TRAPPC10: variants seen among roughly 807,000 people sequenced by gnomAD.
TRAPPC10 encodes the protein TRAPP 130 kDa subunit.
A neutral mutation model predicts 125.5 loss-of-function variants in TRAPPC10; 23 were observed. The ratio of observed to expected loss-of-function variants is 0.18; its 90% CI spans 0.13 to 0.26. TRAPPC10 has a LOEUF of 0.26. TRAPPC10 is among the 10% of genes least tolerant of loss of function. The probability of loss-of-function intolerance (pLI) is 1.00; values close to 1 mark genes in which losing one functional copy is unlikely to be tolerated. For missense variants in TRAPPC10, 1,123 were observed against 1,308.4 expected, an observed-to-expected ratio of 0.86 and a Z score of 2.19; for synonymous variants, 509 against 518.0, an observed-to-expected ratio of 0.98 and a Z score of 0.24.
intron 1 of TRAPPC10, among the ~76,000 whole-genome samples, chr21:44,014,338 C>T (rs1364565478): frequency 6.6e-6 from 1 of 151,688 alleles, no homozygotes; most frequent in Non-Finnish European, 1.5e-5. Context: ...ATTGGATTGT[C>T]ATCTTGGTGG....
At chr21:44,081,005 CT>C (rs71326026) in intron 13 of TRAPPC10, among the ~76,000 whole-genome samples, 35,582 of 102,888 alleles carry the variant, frequency 0.35, 7,311 homozygotes, top group African/African-American at 0.61. Flanking sequence ...TATTATTGTT[CT>C]TTTTTTTTTT....
At chr21:44,068,336 A>G (rs2036604205) in intron 7 of TRAPPC10, among the ~76,000 whole-genome samples, 1 of 152,078 alleles carries the variant, frequency 6.6e-6, no homozygotes, top group Non-Finnish European at 1.5e-5. Flanking sequence ...GGTGGAGAAG[A>G]TGGTGTTATT....
At chr21:44,072,350 G>A (rs1463216292) in intron 7 of TRAPPC10, among the ~76,000 whole-genome samples, 8 of 152,178 alleles carry the variant, frequency 5.3e-5, no homozygotes, top group Non-Finnish European at 1.0e-4. Context: ...GTCCTCTGCC[G>A]CGGCTCCGCT....
intron 1 of TRAPPC10, among the ~76,000 whole-genome samples, chr21:44,015,760 G>A (rs1265616892): frequency 1.3e-5 from 2 of 151,988 alleles, no homozygotes; most frequent in African/African-American, 2.4e-5. Flanking sequence ...GATTACAGGC[G>A]TACACCACCA....
At chr21:44,040,967 A>G (rs1319886826) in intron 3 of TRAPPC10, among the ~76,000 whole-genome samples, 2 of 152,056 alleles carry the variant, frequency 1.3e-5, no homozygotes, top group Non-Finnish European at 2.9e-5. Flanking sequence ...TATAAATCCC[A>G]CTTAGTCATA....
chr21:44,077,106 T>G (rs950186442), intron 10 of TRAPPC10, among the ~76,000 whole-genome samples: 5 of 152,170 alleles, frequency 3.3e-5, no homozygotes, highest in African/African-American at 1.2e-4. Context: ...CACACAAGTA[T>G]GAAAAATACC....
chr21:44,043,316 C>T lies in TRAPPC10; in HGVS notation c.285+5389C>T, dbSNP rs182013446. Among the ~76,000 whole-genome samples, 43 of 147,422 alleles carry T rather than the reference C, an allele frequency of 2.9e-4. No individual in the cohort carries two copies. The East Asian group carries it at 7.0e-3, about 24-fold the overall frequency. Reference sequence around the variant, plus strand: ...GCAACCTTTACCTCCCGGGTTCAAGCGATTCTTCTGTCCCAGTCTCCTGAG... The same window carrying T: ...GCAACCTTTACCTCCCGGGTTCAAGTGATTCTTCTGTCCCAGTCTCCTGAG... On this transcript the variant is annotated intron_variant, in intron 3 of 22. Coordinates refer to ENST00000291574, the MANE Select transcript of TRAPPC10 (RefSeq NM_003274.5).
At chr21:44,014,602 T>G (rs1037156743) in intron 1 of TRAPPC10, among the ~76,000 whole-genome samples, 3 of 151,202 alleles carry the variant, frequency 2.0e-5, no homozygotes, top group Admixed American at 6.6e-5. Flanking sequence ...TGTTTTTTTT[T>G]TTTTTCAGTA....
At chr21:44,057,212 C>T (rs530905744) in intron 5 of TRAPPC10, among the ~76,000 whole-genome samples, 2 of 151,890 alleles carry the variant, frequency 1.3e-5, no homozygotes, top group South Asian at 2.1e-4. Context: ...ACAGAGGTTC[C>T]GTTTGGGAAG....
chr21:44,031,498 A>G (rs1419546384), intron 1 of TRAPPC10, among the ~76,000 whole-genome samples: 1 of 152,222 alleles, frequency 6.6e-6, no homozygotes, highest in Non-Finnish European at 1.5e-5. Context: ...AGCTCTGTGC[A>G]CTGAACACGT....
At chr21:44,058,764 C>A (rs1569178196) in intron 5 of TRAPPC10, among the ~76,000 whole-genome samples, 2 of 152,174 alleles carry the variant, frequency 1.3e-5, no homozygotes, top group Non-Finnish European at 2.9e-5. Flanking sequence ...GCGAGAGGAA[C>A]CAGCCGTCTG....
chr21:44,044,934 G>C (rs1453522809), intron 3 of TRAPPC10, among the ~76,000 whole-genome samples: 2 of 151,944 alleles, frequency 1.3e-5, no homozygotes, highest in East Asian at 3.9e-4. Context: ...CTAAAGTGCT[G>C]GGATTACAGG....
intron 5 of TRAPPC10, among the ~76,000 whole-genome samples, chr21:44,058,213 G>A (rs2035755421): frequency 6.6e-6 from 1 of 152,200 alleles, no homozygotes; most frequent in Non-Finnish European, 1.5e-5. Context: ...CTGGGCTGGG[G>A]ACTTAGCCAG....
intron 1 of TRAPPC10, among the ~76,000 whole-genome samples, chr21:44,014,028 C>T (rs1422231719): frequency 6.6e-6 from 1 of 152,222 alleles, no homozygotes; most frequent in Non-Finnish European, 1.5e-5. Context: ...ACATTTTTCT[C>T]CTAAAGTGCT....
chr21:44,081,259 C>T (rs1569207927), intron 13 of TRAPPC10, among the ~76,000 whole-genome samples: 1 of 151,888 alleles, frequency 6.6e-6, no homozygotes, highest in Non-Finnish European at 1.5e-5. Context: ...TTTTTGGGCT[C>T]AATTGCTCCT....
In TRAPPC10 at chr21:44,087,960, T is replaced by A. The variant is rs571507624; in HGVS notation, c.2769+32T>A. On this transcript the variant is annotated intron_variant, in intron 17 of 22. Coordinates refer to ENST00000291574, the MANE Select transcript of TRAPPC10 (RefSeq NM_003274.5). The surrounding 1 kb of genome is among the most constrained non-coding windows in gnomAD (Gnocchi z 4.6). ...AGGGACAGTGGAGGAGCTTAGCTTG[T>A]GGGGCGTCCGCCGCCCGCCTGCCTG... The A allele has an allele frequency of 1.9e-6, 3 of 1,563,930 alleles. No homozygotes were observed. In the African/African-American group the frequency reaches 4.1e-5, roughly 21 times the overall value.
rs2038184447 is a variant in TRAPPC10, at chr21:44,087,042, C to CT, written c.2539+83dup. ...GGGTGTGAGGGTGAGCCTGGCCTTG[C>CT]TGCCATCCTGCTGAGCGCCCCTCAA... On this transcript the variant is annotated intron_variant, in intron 16 of 22. Transcript: ENST00000291574. This position sits in a 1 kb window ranked among gnomAD's most constrained non-coding sequence, Gnocchi z 4.6. 3.6e-5 allele frequency: 55 copies of CT among 1,511,216 alleles called. No individual in the cohort carries two copies. The South Asian group carries it at 6.2e-4, about 17-fold the overall frequency. 93.6% of individuals were successfully genotyped at this position (1,511,216 alleles called of 1,614,324 possible).
At chr21:44,032,864 G>A (rs1164800847) in intron 2 of TRAPPC10, among the ~76,000 whole-genome samples, 1 of 152,210 alleles carries the variant, frequency 6.6e-6, no homozygotes, top group African/African-American at 2.4e-5. Flanking sequence ...CGGAAGAACT[G>A]GGCTGTATCA....
At chr21:44,072,353 G>A (rs538377233) in intron 7 of TRAPPC10, among the ~76,000 whole-genome samples, 3 of 152,334 alleles carry the variant, frequency 2.0e-5, no homozygotes, top group African/African-American at 7.2e-5. Flanking sequence ...CTCTGCCGCG[G>A]CTCCGCTGCT....
Sources: gnomAD v4.1 joint callset for allele counts (sites outside exome capture counted in the v4.1 genomes callset) on GRCh38, gnomAD v4.1.1 for gene constraint, Gnocchi (gnomAD v3.1) non-coding constraint, MANE v1.5 for transcripts, NCBI Gene and HGNC (gene_info 2026-07-23, HGNC 2026-07-21) for gene names.